Variants in CNTNAP2 observed in about 807,000 individuals in gnomAD.
CNTNAP2 encodes contactin-associated protein-like 2.
In CNTNAP2, 98 loss-of-function variants were observed where a neutral mutation model predicts 155.2. The observed-to-expected ratio is 0.63, with a 90% CI of 0.54 to 0.75. The LOEUF (loss-of-function observed/expected upper bound fraction) is 0.75. Among genes scored for constraint, CNTNAP2 ranks in the 30% least tolerant of loss-of-function variants. The probability of loss-of-function intolerance (pLI) is 0.00; values close to 1 mark genes in which losing one functional copy is unlikely to be tolerated. For synonymous variants in CNTNAP2, 651 were observed against 631.2 expected (o/e 1.03, Z -0.47); for missense variants, 1,727 against 1,688.1 (o/e 1.02, Z -0.40).
intron 12 of CNTNAP2, among the ~76,000 whole-genome samples, chr7:147,608,094 G>A (rs1801106881): frequency 6.6e-6 from 1 of 151,476 alleles, no homozygotes. Flanking sequence ...ACAGTGCTTG[G>A]AATAAAGCAC....
chr7:146,929,322 C>A (rs866376709), intron 3 of CNTNAP2, among the ~76,000 whole-genome samples: 40 of 152,314 alleles, frequency 2.6e-4, no homozygotes, highest in African/African-American at 9.1e-4. Flanking sequence ...GATACCCAGG[C>A]AAACAGGGTC....
intron 21 of CNTNAP2, among the ~76,000 whole-genome samples, chr7:148,379,549 A>T (rs35069843): frequency 0.33 from 50,145 of 151,634 alleles, 9,955 homozygotes; most frequent in East Asian, 0.66. Flanking sequence ...ACAAAAAAAT[A>T]CTAAAAAAAA....
intron 9 of CNTNAP2, among the ~76,000 whole-genome samples, chr7:147,362,542 A>T (rs1796163501): frequency 6.6e-6 from 1 of 152,214 alleles, no homozygotes; most frequent in East Asian, 1.9e-4. Context: ...CCAGGGGAAG[A>T]GTTGTAGACT....
intron 1 of CNTNAP2, among the ~76,000 whole-genome samples, chr7:146,293,479 A>G (rs987385027): frequency 6.6e-6 from 1 of 152,178 alleles, no homozygotes. Flanking sequence ...CTCATGGAAA[A>G]CCTGTTTATA....
chr7:147,174,267 G>A (rs1201098703), intron 8 of CNTNAP2, among the ~76,000 whole-genome samples: 1 of 151,912 alleles, frequency 6.6e-6, no homozygotes, highest in Non-Finnish European at 1.5e-5. Flanking sequence ...CTTTTCCCAT[G>A]GTCACCATAT....
chr7:148,330,065 A>G (rs1797958282), intron 21 of CNTNAP2, among the ~76,000 whole-genome samples: 1 of 152,256 alleles, frequency 6.6e-6, no homozygotes, highest in Non-Finnish European at 1.5e-5. Context: ...GAATGTATGG[A>G]TGGAATGGAG....
At chr7:146,759,409 G>A (rs1448561758) in intron 1 of CNTNAP2, among the ~76,000 whole-genome samples, 2 of 151,904 alleles carry the variant, frequency 1.3e-5, no homozygotes, top group African/African-American at 2.4e-5. Flanking sequence ...TTAAAAAATG[G>A]TTAGGCCGGG....
chr7:146,143,070 G>A (rs952651746), intron 1 of CNTNAP2, among the ~76,000 whole-genome samples: 1 of 152,140 alleles, frequency 6.6e-6, no homozygotes, highest in Non-Finnish European at 1.5e-5. Flanking sequence ...ACAGGATGAT[G>A]GATTGCTAGG....
intron 1 of CNTNAP2, among the ~76,000 whole-genome samples, chr7:146,414,277 T>A (rs1340104485): frequency 6.6e-6 from 1 of 152,238 alleles, no homozygotes; most frequent in Admixed American, 6.5e-5. Flanking sequence ...TGGTGTCAAC[T>A]CTGCGATTTT....
chr7:147,626,649 C>T (rs1309009660), intron 12 of CNTNAP2, among the ~76,000 whole-genome samples: 1 of 152,102 alleles, frequency 6.6e-6, no homozygotes, highest in African/African-American at 2.4e-5. Context: ...AGCTTAGATC[C>T]CTCCACTAAT....
intron 8 of CNTNAP2, among the ~76,000 whole-genome samples, chr7:147,299,016 C>A (rs1478712908): frequency 2.0e-5 from 3 of 152,090 alleles, no homozygotes; most frequent in Non-Finnish European, 4.4e-5. Flanking sequence ...TTTTTGGACA[C>A]CTTTATTCGT....
chr7:147,727,586 A>G (rs1203937699), intron 13 of CNTNAP2, among the ~76,000 whole-genome samples: 3 of 151,992 alleles, frequency 2.0e-5, no homozygotes, highest in Admixed American at 1.3e-4. Flanking sequence ...ATATCCCATC[A>G]TATTTTATTT....
At chr7:147,716,058 G>A (rs1203306169) in intron 13 of CNTNAP2, among the ~76,000 whole-genome samples, 1 of 152,122 alleles carries the variant, frequency 6.6e-6, no homozygotes, top group Non-Finnish European at 1.5e-5. Context: ...TACCAACACT[G>A]GTCACAAGAG....
intron 16 of CNTNAP2, among the ~76,000 whole-genome samples, chr7:148,123,515 C>T (rs1414038010): frequency 1.3e-5 from 2 of 151,892 alleles, no homozygotes; most frequent in East Asian, 3.9e-4. Flanking sequence ...GAGAATCCCT[C>T]GAGCCCAAGA....
At chr7:146,630,066 T>A (rs575389820) in intron 1 of CNTNAP2, among the ~76,000 whole-genome samples, 60 of 152,128 alleles carry the variant, frequency 3.9e-4, no homozygotes, top group African/African-American at 1.4e-3. Flanking sequence ...GCTGCACCTA[T>A]CAACCCGTCA....
chr7:146,352,159 C>G (rs978440784), intron 1 of CNTNAP2, among the ~76,000 whole-genome samples: 1 of 152,064 alleles, frequency 6.6e-6, no homozygotes, highest in Non-Finnish European at 1.5e-5. Context: ...ATTTGTATTT[C>G]CATGTATTTA....
intron 1 of CNTNAP2, among the ~76,000 whole-genome samples, chr7:146,538,082 A>G (rs1464675457): frequency 6.6e-6 from 1 of 152,144 alleles, no homozygotes; most frequent in African/African-American, 2.4e-5. Flanking sequence ...GGAGGCTATT[A>G]GAGTAATCAT....
At chr7:147,583,421 C>A (rs891999693) in intron 12 of CNTNAP2, among the ~76,000 whole-genome samples, 3 of 150,564 alleles carry the variant, frequency 2.0e-5, no homozygotes, top group Non-Finnish European at 4.4e-5. Flanking sequence ...TCTGCTCCTA[C>A]AACTCTATTT....
At chr7:146,558,095 C>T (rs893273634) in intron 1 of CNTNAP2, among the ~76,000 whole-genome samples, 1 of 152,166 alleles carries the variant, frequency 6.6e-6, no homozygotes, top group Non-Finnish European at 1.5e-5. Context: ...TTTCTGTTAG[C>T]AGGACCTGGT....
Sources: gnomAD v4.1 joint callset for allele counts (sites outside exome capture counted in the v4.1 genomes callset) on GRCh38, gnomAD v4.1.1 for gene constraint, MANE v1.5 for transcripts, NCBI Gene and HGNC (gene_info 2026-07-23, HGNC 2026-07-21) for gene names.